The following PDE6D variants were observed in gnomAD, a reference collection of about 807,000 sequenced individuals.
PDE6D encodes the protein phosphodiesterase 6D, also known as retinal rod rhodopsin-sensitive cGMP 3',5'-cyclic phosphodiesterase subunit delta.
In PDE6D, 10 loss-of-function variants were observed where a neutral mutation model predicts 21.9. The ratio of observed to expected loss-of-function variants is 0.46; its 90% CI spans 0.28 to 0.78. PDE6D has a LOEUF of 0.78. Among genes scored for constraint, PDE6D ranks in the 30% least tolerant of loss-of-function variants. The probability of loss-of-function intolerance (pLI) is 0.12; values close to 1 mark genes in which losing one functional copy is unlikely to be tolerated. For missense variants in PDE6D, 139 were observed against 184.8 expected (o/e 0.75, Z 1.44); for synonymous variants, 59 against 63.5 (o/e 0.93, Z 0.34).
intron 1 of PDE6D, among the ~76,000 whole-genome samples, chr2:231,762,165 A>G (rs902688231): frequency 6.6e-6 from 1 of 152,202 alleles, no homozygotes. Context: ...TTATGATAAC[A>G]AAACTTCCCT....
chr2:231,757,112 C>T (rs576190679), intron 1 of PDE6D, among the ~76,000 whole-genome samples: 1 of 151,874 alleles, frequency 6.6e-6, no homozygotes, highest in African/African-American at 2.4e-5. Context: ...GTGTGTGCCA[C>T]CACACCTGGC....
At chr2:231,747,728 G>C (rs1456578719) in intron 1 of PDE6D, among the ~76,000 whole-genome samples, 1 of 152,122 alleles carries the variant, frequency 6.6e-6, no homozygotes, top group African/African-American at 2.4e-5. Context: ...AGGCACAAAA[G>C]CCTCTTAACT....
At chr2:231,735,821 C>T (rs902320257) in intron 4 of PDE6D, among the ~76,000 whole-genome samples, 13 of 151,278 alleles carry the variant, frequency 8.6e-5, no homozygotes, top group Non-Finnish European at 1.0e-4. Flanking sequence ...GTTAGGAGTT[C>T]GAGACCAGCT....
At chr2:231,748,286 G>A (rs2048810493) in intron 1 of PDE6D, among the ~76,000 whole-genome samples, 1 of 152,158 alleles carries the variant, frequency 6.6e-6, no homozygotes, top group African/African-American at 2.4e-5. Flanking sequence ...TGGAGATGAG[G>A]AACTTGTTCG....
chr2:231,744,521 C>T (rs573963495), intron 1 of PDE6D, among the ~76,000 whole-genome samples: 1 of 151,870 alleles, frequency 6.6e-6, no homozygotes, highest in South Asian at 2.1e-4. Flanking sequence ...ACAACCTCCG[C>T]CTCCCGGGTT....
chr2:231,738,037 A>T lies in PDE6D; in HGVS notation c.241T>A (p.Tyr81Asn), dbSNP rs1559308630. Residue 81 changes from tyrosine (Y) to asparagine (N), a missense_variant, in exon 3 of 5, where the codon TAC becomes AAC. Physicochemically the swap from Tyr to Asn is moderately radical, Grantham distance 143. Transcript: ENST00000287600. ...MEKFRLEQKV[Y>N]FKGQCLEEWF... ...CCTTCTAGGCATTGCCCTTTGAAGTAAACTTTTTGTTCCAGGCGGAATTTT... is the reference window on the plus strand; with the variant it reads ...CCTTCTAGGCATTGCCCTTTGAAGTTAACTTTTTGTTCCAGGCGGAATTTT... 1 of 1,614,122 alleles carries T rather than the reference A, an allele frequency of 6.2e-7. No individual in the cohort carries two copies. Among genetic ancestry groups the T allele is most frequent in the South Asian group, 1.1e-5 (1 of 91,064 alleles).
intron 1 of PDE6D, among the ~76,000 whole-genome samples, chr2:231,755,648 C>A (rs564417577): frequency 6.6e-6 from 1 of 151,740 alleles, no homozygotes; most frequent in Non-Finnish European, 1.5e-5. Context: ...TGGCTGGGCA[C>A]GGTGGCTCAT....
chr2:231,741,865 T>C (rs2048752400), intron 1 of PDE6D, among the ~76,000 whole-genome samples: 2 of 152,144 alleles, frequency 1.3e-5, no homozygotes, highest in East Asian at 1.9e-4. Flanking sequence ...CCTGGGAGGA[T>C]GGGGGAACAA....
intron 1 of PDE6D, among the ~76,000 whole-genome samples, chr2:231,747,708 A>T (rs796372021): frequency 3.9e-5 from 6 of 152,232 alleles, no homozygotes; most frequent in African/African-American, 1.4e-4. Context: ...CCCCTCAATC[A>T]CTATGCCCTA....
chr2:231,778,988 C>A (rs1330791503), intron 1 of PDE6D: 1 of 152,182 alleles, frequency 6.6e-6, no homozygotes, highest in Non-Finnish European at 1.5e-5. Context: ...AATCTATTTA[C>A]CCAATAAAAG....
At chr2:231,742,665 T>C (rs2048759831) in intron 1 of PDE6D, among the ~76,000 whole-genome samples, 1 of 152,172 alleles carries the variant, frequency 6.6e-6, no homozygotes, top group African/African-American at 2.4e-5. Context: ...TGTGTCTTTT[T>C]TTTGGTTTTC....
At position 231,741,210 on chromosome 2, in the gene PDE6D, C is replaced by T. The variant is rs1429290671; in HGVS notation, c.51-2022G>A. ...ATCAAAGATAAAGAAAAGCGAAAAG[C>T]TTCCAGAGGTTAAACAAGTCATTAT... On this transcript the variant is annotated intron_variant, in intron 1 of 4. Transcript: ENST00000287600. 2.0e-5 allele frequency among the ~76,000 whole-genome samples: 3 copies of T among 150,212 alleles called. No individual in the cohort carries two copies. The East Asian group carries it at 5.8e-4, about 29-fold the overall frequency.
chr2:231,744,036 CT>C (rs1442659978), intron 1 of PDE6D, among the ~76,000 whole-genome samples: 1 of 152,222 alleles, frequency 6.6e-6, no homozygotes, highest in African/African-American at 2.4e-5. Context: ...GGACATCAGA[CT>C]TTCTTAAATT....
At chr2:231,740,913 C>T (rs1271170995) in intron 1 of PDE6D, among the ~76,000 whole-genome samples, 2 of 150,984 alleles carry the variant, frequency 1.3e-5, no homozygotes, top group Non-Finnish European at 3.0e-5. Context: ...CTGAGGCGGG[C>T]GGATCACCTG....
intron 1 of PDE6D, among the ~76,000 whole-genome samples, chr2:231,743,200 C>T (rs911793618): frequency 1.4e-4 from 22 of 151,948 alleles, no homozygotes; most frequent in Non-Finnish European, 2.6e-4. Flanking sequence ...CCGAGGCGGG[C>T]GGATCACGAG....
intron 1 of PDE6D, among the ~76,000 whole-genome samples, chr2:231,767,225 G>C (rs917414918): frequency 6.6e-6 from 1 of 152,040 alleles, no homozygotes; most frequent in African/African-American, 2.4e-5. Flanking sequence ...GTAATAGCAA[G>C]CATAGTGCAT....
intron 1 of PDE6D, among the ~76,000 whole-genome samples, chr2:231,746,359 T>G (rs1448823409): frequency 6.6e-6 from 1 of 152,086 alleles, no homozygotes; most frequent in Admixed American, 6.6e-5. Flanking sequence ...CCCAGGCTGG[T>G]CTCAAACCCC....
intron 1 of PDE6D, among the ~76,000 whole-genome samples, chr2:231,740,680 CAAA>C (rs3074722): frequency 8.8e-5 from 5 of 57,004 alleles, no homozygotes; most frequent in Non-Finnish European, 7.4e-5. Context: ...GACCCTGTCT[CAAA>C]AAAAAAAAAA....
chr2:231,761,593 C>A (rs567024454), intron 1 of PDE6D, among the ~76,000 whole-genome samples: 1 of 152,200 alleles, frequency 6.6e-6, no homozygotes, highest in African/African-American at 2.4e-5. Context: ...TAACTGCAGA[C>A]AGCATGAGGC....
Sources: gnomAD v4.1 joint callset for allele counts (sites outside exome capture counted in the v4.1 genomes callset) on GRCh38, gnomAD v4.1.1 for gene constraint, MANE v1.5 for transcripts, NCBI Gene and HGNC (gene_info 2026-07-23, HGNC 2026-07-21) for gene names.